SUGCT: variants seen among roughly 807,000 people sequenced by gnomAD.
SUGCT encodes succinyl-CoA:glutarate CoA-transferase.
In SUGCT, 41 loss-of-function variants were observed where a neutral mutation model predicts 55.0. The observed-to-expected ratio is 0.74, with a 90% CI of 0.58 to 0.97. SUGCT has a LOEUF of 0.97. SUGCT is among the 50% of genes least tolerant of loss of function. The pLI is 0.00. For synonymous variants in SUGCT, 187 were observed against 200.4 expected (o/e 0.93, Z 0.56); for missense variants, 568 against 547.8 (o/e 1.04, Z -0.37).
At chr7:40,238,139 C>T (rs978032069) in intron 7 of SUGCT, among the ~76,000 whole-genome samples, 16 of 152,050 alleles carry the variant, frequency 1.1e-4, no homozygotes, top group African/African-American at 3.1e-4. Context: ...TACTAGAGTG[C>T]CTTCATCTGC....
At chr7:40,264,392 T>C (rs1351070413) in intron 7 of SUGCT, among the ~76,000 whole-genome samples, 1 of 152,194 alleles carries the variant, frequency 6.6e-6, no homozygotes, top group African/African-American at 2.4e-5. Flanking sequence ...TGTGGAAATT[T>C]GTATGTGAAC....
the SUGCT span, among the ~76,000 whole-genome samples, chr7:40,944,541 C>T: frequency 6.6e-6 from 1 of 152,004 alleles, no homozygotes; most frequent in East Asian, 1.9e-4. Flanking sequence ...ATAGAGAATC[C>T]TTTCCCCATT....
chr7:40,308,602 A>G (rs148036270), intron 8 of SUGCT, among the ~76,000 whole-genome samples: 4 of 152,092 alleles, frequency 2.6e-5, no homozygotes, highest in East Asian at 3.9e-4. Flanking sequence ...ATCTTGTACT[A>G]CTGTCTCTTT....
chr7:40,847,458 C>T (rs1379252156), intron 13 of SUGCT, among the ~76,000 whole-genome samples: 2 of 144,012 alleles, frequency 1.4e-5, no homozygotes, highest in African/African-American at 5.1e-5. Context: ...ACTTTATCAC[C>T]CATGCTGGAG....
intron 12 of SUGCT, among the ~76,000 whole-genome samples, chr7:40,534,146 T>A (rs138099753): frequency 1.3e-5 from 2 of 152,214 alleles, no homozygotes; most frequent in East Asian, 3.9e-4. Context: ...GATCTTACTA[T>A]GTTCTCTTAA....
chr7:40,815,501 A>G (rs1172202958), intron 13 of SUGCT, among the ~76,000 whole-genome samples: 2 of 151,960 alleles, frequency 1.3e-5, no homozygotes, highest in Non-Finnish European at 2.9e-5. Context: ...TGGGTGGGTG[A>G]TGTGAATGCC....
chr7:40,778,617 A>C (rs1328891717), intron 13 of SUGCT, among the ~76,000 whole-genome samples: 1 of 152,226 alleles, frequency 6.6e-6, no homozygotes, highest in African/African-American at 2.4e-5. Flanking sequence ...CCTGCCCTGC[A>C]CTCATAAGTG....
chr7:40,426,887 C>G (rs184617756), intron 9 of SUGCT, among the ~76,000 whole-genome samples: 1 of 152,152 alleles, frequency 6.6e-6, no homozygotes, highest in East Asian at 1.9e-4. Flanking sequence ...AATCATAAGT[C>G]ACTGTAACCT....
intron 11 of SUGCT, among the ~76,000 whole-genome samples, chr7:40,479,539 T>A (rs1295472585): frequency 6.6e-6 from 1 of 152,110 alleles, no homozygotes; most frequent in African/African-American, 2.4e-5. Context: ...GATGTATGAC[T>A]GTATACCTAG....
intron 12 of SUGCT, among the ~76,000 whole-genome samples, chr7:40,551,463 A>G (rs1245184769): frequency 2.6e-5 from 4 of 152,208 alleles, no homozygotes; most frequent in Non-Finnish European, 5.9e-5. Flanking sequence ...AAGTTTGTAA[A>G]CAGAGAAATG....
rs112272199 is a variant in SUGCT, at chr7:40,162,121, C to T, written c.101-18826C>T. Among the ~76,000 whole-genome samples, 798 of 152,268 alleles carry T rather than the reference C, an allele frequency of 5.2e-3. 11 individuals carry two copies. The highest frequency in any genetic ancestry group is 0.018 in the African/African-American group (750 of 41,554). ...CCATGTTGGGCAGGATGGTCTCGAT[C>T]TCCTGACCTCGTGATCCGCCCGCCT... On this transcript the variant is annotated intron_variant, in intron 1 of 13. Coordinates refer to ENST00000335693, the MANE Select transcript of SUGCT (RefSeq NM_001193313.2).
At chr7:40,391,346 A>C (rs187023430) in intron 9 of SUGCT, among the ~76,000 whole-genome samples, 50 of 152,354 alleles carry the variant, frequency 3.3e-4, no homozygotes, top group African/African-American at 1.1e-3. Context: ...GTGAACAGGC[A>C]ACCTACAGAA....
intron 9 of SUGCT, among the ~76,000 whole-genome samples, chr7:40,321,806 C>T (rs1795770574): frequency 6.6e-6 from 1 of 152,198 alleles, no homozygotes; most frequent in African/African-American, 2.4e-5. Context: ...TATAGATATA[C>T]CACATTTTCT....
intron 13 of SUGCT, among the ~76,000 whole-genome samples, chr7:40,838,346 T>C (rs1403097593): frequency 6.6e-6 from 1 of 152,242 alleles, no homozygotes; most frequent in African/African-American, 2.4e-5. Context: ...GTGTATCAAT[T>C]TGAGGAGAAT....
At chr7:40,698,682 G>A (rs763175481) in intron 12 of SUGCT, among the ~76,000 whole-genome samples, 3 of 152,116 alleles carry the variant, frequency 2.0e-5, no homozygotes, top group African/African-American at 7.2e-5. Context: ...ATTGGGCTTC[G>A]TATCCAGTTA....
chr7:40,567,339 G>A (rs1248288033), intron 12 of SUGCT, among the ~76,000 whole-genome samples: 1 of 152,136 alleles, frequency 6.6e-6, no homozygotes, highest in East Asian at 1.9e-4. Flanking sequence ...GTTTATGCTG[G>A]AAATGCATTC....
At chr7:40,253,566 T>C (rs1196629120) in intron 7 of SUGCT, among the ~76,000 whole-genome samples, 1 of 139,020 alleles carries the variant, frequency 7.2e-6, no homozygotes, top group Non-Finnish European at 1.6e-5. Flanking sequence ...TAAATATATT[T>C]ACATTTTTTT....
At chr7:40,236,255 A>G (rs769722572) in intron 6 of SUGCT, among the ~76,000 whole-genome samples, 6 of 151,716 alleles carry the variant, frequency 4.0e-5, no homozygotes, top group Non-Finnish European at 7.4e-5. Context: ...ACGGGGTTTC[A>G]CTGTGTTGGC....
chr7:40,160,205 T>C (rs1160534204), intron 1 of SUGCT, among the ~76,000 whole-genome samples: 1 of 152,138 alleles, frequency 6.6e-6, no homozygotes, highest in Non-Finnish European at 1.5e-5. Flanking sequence ...CTGAAACAAT[T>C]CCAAAGGCAG....
Sources: allele counts gnomAD v4.1 joint callset (sites outside exome capture counted in the v4.1 genomes callset), GRCh38; gene constraint gnomAD v4.1.1; transcripts MANE v1.5; gene names NCBI Gene and HGNC (gene_info 2026-07-23, HGNC 2026-07-21).